Variants in FANCB observed in about 807,000 individuals in gnomAD.
The protein encoded by FANCB is FA complementation group B.
In FANCB, 5 loss-of-function variants were observed where a neutral mutation model predicts 38.9. The observed-to-expected ratio is 0.13, with a 90% confidence interval of 0.07 to 0.27. The LOEUF (loss-of-function observed/expected upper bound fraction) is 0.27, where lower values mean the gene tolerates loss of function less well. FANCB is among the 10% of genes least tolerant of loss of function. The probability of loss-of-function intolerance (pLI) is 1.00; values close to 1 mark genes in which losing one functional copy is unlikely to be tolerated. For missense variants in FANCB, 573 were observed against 602.7 expected, an observed-to-expected ratio of 0.95 and a Z score of 0.52; for synonymous variants, 236 against 215.4, an observed-to-expected ratio of 1.10 and a Z score of -0.84.
chrX:14,733,011 G>T, the FANCB span, among the ~76,000 whole-genome samples: 60 of 112,093 alleles, frequency 5.4e-4, 1 homozygote, highest in South Asian at 0.022. Flanking sequence ...TATGGTTTTA[G>T]GTCTTACGTT....
the FANCB span, among the ~76,000 whole-genome samples, chrX:14,724,202 TTTAC>T: frequency 8.9e-6 from 1 of 112,167 alleles, no homozygotes; most frequent in Non-Finnish European, 1.9e-5. Flanking sequence ...GTATAATTTG[TTTAC>T]TTGTTACTGT....
At chrX:14,788,174 G>A in the FANCB span, among the ~76,000 whole-genome samples, 1 of 108,762 alleles carries the variant, frequency 9.2e-6, no homozygotes, top group Non-Finnish European at 1.9e-5. Context: ...CTGGAAAGCA[G>A]ACACTATATG....
At chrX:14,744,397 G>T in the FANCB span, among the ~76,000 whole-genome samples, 2 of 112,340 alleles carry the variant, frequency 1.8e-5, no homozygotes, top group African/African-American at 6.5e-5. Flanking sequence ...TTTTTAGACA[G>T]CAAACACAAT....
chrX:14,771,593 C>T, the FANCB span, among the ~76,000 whole-genome samples: 1 of 111,663 alleles, frequency 9.0e-6, no homozygotes, highest in African/African-American at 3.3e-5. Context: ...TCCTTTAGCT[C>T]AGTGTAGTTC....
chrX:14,807,800 A>G, the FANCB span, among the ~76,000 whole-genome samples: 1 of 112,140 alleles, frequency 8.9e-6, no homozygotes, highest in Non-Finnish European at 1.9e-5. Flanking sequence ...AAAGTTAAAT[A>G]AAATTGAGAA....
At chrX:14,745,410 TAA>T in the FANCB span, among the ~76,000 whole-genome samples, 1 of 111,647 alleles carries the variant, frequency 9.0e-6, no homozygotes, top group Non-Finnish European at 1.9e-5. Flanking sequence ...TATTTAAGCT[TAA>T]GTTTCATTTC....
intron 2 of FANCB, among the ~76,000 whole-genome samples, chrX:14,867,658 T>C (rs753263498): frequency 7.3e-5 from 8 of 110,153 alleles, no homozygotes; most frequent in African/African-American, 1.3e-4. Context: ...TTTTATGACA[T>C]TGGGCTGGGC....
chrX:14,791,516 T>G, the FANCB span, among the ~76,000 whole-genome samples: 1 of 111,954 alleles, frequency 8.9e-6, no homozygotes, highest in African/African-American at 3.2e-5. Context: ...TGTGGTACTT[T>G]GTAACAACAG....
the FANCB span, among the ~76,000 whole-genome samples, chrX:14,812,801 C>T: frequency 5.4e-5 from 6 of 111,394 alleles, no homozygotes; most frequent in African/African-American, 2.0e-4. Context: ...GGGAATCCTC[C>T]CTCACTCATT....
At chrX:14,778,780 T>C in the FANCB span, among the ~76,000 whole-genome samples, 1 of 112,370 alleles carries the variant, frequency 8.9e-6, no homozygotes, top group South Asian at 3.7e-4. Context: ...TCCCAGACCA[T>C]TTTCCTTTCA....
rs140882044 is a variant in FANCB, at chrX:14,861,141, C to A, written c.952-1807G>T. On this transcript the variant is annotated intron_variant, in intron 3 of 9. Transcript: ENST00000650831. ...TCAAGCAATTCTCCTACCTTGGCCT[C>A]CCAAAGCACTGGGATTACAAACGTG... 7.8e-3 allele frequency among the ~76,000 whole-genome samples: 870 copies of A among 111,762 alleles called. 5 individuals carry two copies. Among genetic ancestry groups the A allele is most frequent in the Non-Finnish European group, 0.013 (665 of 53,167 alleles).
At chrX:14,821,941 T>C in the FANCB span, among the ~76,000 whole-genome samples, 1,911 of 111,875 alleles carry the variant, frequency 0.017, 38 homozygotes, top group African/African-American at 0.052. Context: ...GTCAAGGGGA[T>C]AGCAAGAAAA....
chrX:14,821,767 T>G, the FANCB span, among the ~76,000 whole-genome samples: 10 of 111,469 alleles, frequency 9.0e-5, no homozygotes, highest in Non-Finnish European at 1.3e-4. Flanking sequence ...AGTGAGAGGT[T>G]GCCAGACTGG....
chrX:14,804,141 C>G, the FANCB span, among the ~76,000 whole-genome samples: 1 of 111,828 alleles, frequency 8.9e-6, no homozygotes, highest in Non-Finnish European at 1.9e-5. Flanking sequence ...TGGGTATATA[C>G]CCAAAGGACT....
At chrX:14,726,766 A>G in the FANCB span, among the ~76,000 whole-genome samples, 1 of 112,664 alleles carries the variant, frequency 8.9e-6, no homozygotes, top group Non-Finnish European at 1.9e-5. Flanking sequence ...TAAATGAATG[A>G]GTCAATCTGA....
chrX:14,799,228 C>T, the FANCB span, among the ~76,000 whole-genome samples: 1 of 112,118 alleles, frequency 8.9e-6, no homozygotes, highest in African/African-American at 3.2e-5. Context: ...TGAGTACTCA[C>T]ACTCCCCTTT....
At chrX:14,768,870 G>A in the FANCB span, among the ~76,000 whole-genome samples, 2 of 111,499 alleles carry the variant, frequency 1.8e-5, no homozygotes, top group Non-Finnish European at 1.9e-5. Flanking sequence ...TAACATGAAG[G>A]GATGTTGAAT....
In FANCB at chrX:14,857,952, A is replaced by G; in HGVS notation, c.1107T>C (p.Ser369=). 1 of 1,091,516 alleles carries G rather than the reference A, an allele frequency of 9.2e-7. No individual in the cohort carries two copies. Among genetic ancestry groups the G allele is most frequent in the South Asian group, 1.9e-5 (1 of 53,351 alleles). The allele number at this position is 1,091,516 out of a possible 1,213,427, so 90.0% of individuals were successfully genotyped here. A position where few individuals can be genotyped will look rare whatever the true frequency, so the allele number is the denominator to read the frequency against. Residue 369 remains serine (S), a splice_region_variant and synonymous_variant, in exon 5 of 10, where the codon AGT becomes AGC. Coordinates refer to ENST00000650831, the MANE Select transcript of FANCB (RefSeq NM_001018113.3). ...CATCTTCATTGCAATCTGATGGTTC[A>G]CTCTAATAAATAAATAAATAAATAA... The part of the protein sequence containing the change: ...ITDLGKINYS[S]EPSDCNEDDL...
chrX:14,700,980 AAAG>A, the FANCB span, among the ~76,000 whole-genome samples: 1 of 110,065 alleles, frequency 9.1e-6, no homozygotes, highest in South Asian at 4.0e-4. Flanking sequence ...CTGGGAGACA[AAAG>A]AAGGAATAAG....
Sources: allele counts gnomAD v4.1 joint callset (sites outside exome capture counted in the v4.1 genomes callset), GRCh38; gene constraint gnomAD v4.1.1; transcripts MANE v1.5; gene names NCBI Gene and HGNC (gene_info 2026-07-23, HGNC 2026-07-21).